Variants in PLBD2 observed in about 807,000 individuals in gnomAD.
PLBD2 encodes the protein phospholipase B domain containing 2.
A neutral mutation model predicts 68.3 loss-of-function variants in PLBD2; 51 were observed. That is an observed-to-expected ratio of 0.75 (90% CI 0.60 to 0.94). The LOEUF is 0.94. PLBD2 is among the 40% of genes least tolerant of loss of function. The pLI, the probability that PLBD2 is intolerant of heterozygous loss-of-function variation, is 0.00. For synonymous variants in PLBD2, 314 were observed against 339.3 expected, an observed-to-expected ratio of 0.93 and a Z score of 0.82; for missense variants, 729 against 792.2, an observed-to-expected ratio of 0.92 and a Z score of 0.96.
Position 113,384,794 on chromosome 12 carries a change from G to A in PLBD2, c.1119-57G>A. On this transcript the variant is annotated intron_variant, in intron 7 of 11. Coordinates refer to ENST00000280800, the MANE Select transcript of PLBD2 (RefSeq NM_173542.4). This position sits in a 1 kb window ranked among gnomAD's most constrained non-coding sequence, Gnocchi z 4.2. The stretch of plus-strand genomic sequence containing the variant: ...GCTGAGTGGGACACTGCAGGGTGGG[G>A]AAAGCTGGGGAGGTGGCTCCAGGCT... 6.8e-7 allele frequency: 1 copy of A among 1,467,780 alleles called. No individual in the cohort carries two copies. The highest frequency in any genetic ancestry group is 9.5e-7 in the Non-Finnish European group (1 of 1,052,350). The allele number at this position is 1,467,780 out of a possible 1,614,324, so 90.9% of individuals were successfully genotyped here. A position where few individuals can be genotyped will look rare whatever the true frequency, so the allele number is the denominator to read the frequency against.
intron 1 of PLBD2, among the ~76,000 whole-genome samples, chr12:113,361,158 G>T (rs1957290131): frequency 6.6e-6 from 1 of 151,918 alleles, no homozygotes; most frequent in Non-Finnish European, 1.5e-5. Flanking sequence ...GGGACTCTGT[G>T]TCTTATTTCG....
At chr12:113,374,759 C>G in intron 4 of PLBD2, 34 bp from the exon 5 acceptor site, 2 of 1,606,826 alleles carry the variant, frequency 1.2e-6, no homozygotes, top group Non-Finnish European at 1.7e-6. Context: ...TCACAGCAGG[C>G]GTGGTAACCC....
intron 6 of PLBD2, among the ~76,000 whole-genome samples, chr12:113,382,867 GTTT>G (rs67376686): frequency 2.4e-4 from 20 of 81,774 alleles, no homozygotes; most frequent in South Asian, 1.6e-3. Flanking sequence ...GTGTGTGTGT[GTTT>G]TTTTTTTTTT....
At chr12:113,386,569 G>A (rs1957555318) in intron 9 of PLBD2, among the ~76,000 whole-genome samples, 1 of 151,388 alleles carries the variant, frequency 6.6e-6, no homozygotes. Context: ...GCCCAGGTTG[G>A]AGTGCAATGG....
chr12:113,376,623 A>T (rs1957440264), intron 5 of PLBD2, among the ~76,000 whole-genome samples: 1 of 152,186 alleles, frequency 6.6e-6, no homozygotes, highest in African/African-American at 2.4e-5. Context: ...CAAACAACCA[A>T]TTGCAAGGAT....
chr12:113,358,859 G>A lies in PLBD2; in HGVS notation c.259G>A (p.Ala87Thr). Residue 87 changes from alanine to threonine, a missense_variant, in exon 1 of 12, where the codon GCC (alanine) becomes ACC (threonine). Transcript: ENST00000280800. ...ACGCCACCCTGACGCCGTGGCCTGG[G>A]CCAACCTCACCAACGCCATCCGCGA... ...DGRHPDAVAW[A>T]NLTNAIRETG... is the part of the protein sequence containing the mutation. The A allele has an allele frequency of 6.6e-7, 1 of 1,525,292 alleles. No individual in the cohort carries two copies. Among genetic ancestry groups the A allele is most frequent in the South Asian group, 1.2e-5 (1 of 82,098 alleles). 94.5% of individuals were successfully genotyped at this position (1,525,292 alleles called of 1,614,324 possible). A position where few individuals can be genotyped will look rare whatever the true frequency, so the allele number is the denominator to read the frequency against.
At chr12:113,380,556 A>T (rs942111474) in intron 5 of PLBD2, among the ~76,000 whole-genome samples, 189 bp from the exon 6 acceptor site, 3 of 152,120 alleles carry the variant, frequency 2.0e-5, no homozygotes, top group African/African-American at 7.2e-5. Context: ...GCTAGCTTTT[A>T]TTTTTACTTG....
chr12:113,377,690 A>G (rs1331667036), intron 5 of PLBD2, among the ~76,000 whole-genome samples: 1 of 152,156 alleles, frequency 6.6e-6, no homozygotes, highest in East Asian at 1.9e-4. Context: ...CTGATTTCTC[A>G]CAGAATAGGT....
chr12:113,385,315 C>T, intron 9 of PLBD2, 32 bp downstream of exon 9: 1 of 1,596,124 alleles, frequency 6.3e-7, no homozygotes, highest in South Asian at 1.1e-5. Context: ...TCCCCGTCAC[C>T]CTCCAGGGCA....
At position 113,372,257 on chromosome 12, in the gene PLBD2, C is replaced by T. The variant is rs1393618487; in HGVS notation, c.385-392C>T. 6.6e-6 allele frequency among the ~76,000 whole-genome samples: 1 copy of T among 152,002 alleles called. No homozygotes were observed. The highest frequency in any genetic ancestry group is 2.4e-5 in the African/African-American group (1 of 41,366). ...CTGGGTGAAACTGCCACGGCATTCT[C>T]TTGCCCAGTGGAATCAGAAGGGTTA... On this transcript the variant is annotated intron_variant, in intron 2 of 11. Coordinates refer to ENST00000280800, the MANE Select transcript of PLBD2 (RefSeq NM_173542.4). This position sits in a 1 kb window ranked among gnomAD's most constrained non-coding sequence, Gnocchi z 4.2.
intron 5 of PLBD2, among the ~76,000 whole-genome samples, chr12:113,379,135 A>T (rs1306526698): frequency 6.6e-6 from 1 of 151,984 alleles, no homozygotes; most frequent in Non-Finnish European, 1.5e-5. Flanking sequence ...TGGTAAAACC[A>T]TGTCTCTACT....
chr12:113,358,864 C>A lies in PLBD2; in HGVS notation c.264C>A (p.Asn88Lys). Residue 88 changes from asparagine to lysine, a missense_variant, in exon 1 of 12, where the codon AAC becomes AAA. Asn to Lys is a moderately conservative substitution (Grantham distance 94). Coordinates refer to ENST00000280800, the MANE Select transcript of PLBD2 (RefSeq NM_173542.4). ...GRHPDAVAWA[N>K]LTNAIRETGW... ...ACCCTGACGCCGTGGCCTGGGCCAA[C>A]CTCACCAACGCCATCCGCGAGACTG... 1 of 1,525,922 alleles carries A rather than the reference C, an allele frequency of 6.6e-7. No homozygotes were observed. Among genetic ancestry groups the A allele is most frequent in the East Asian group, 2.8e-5 (1 of 35,904 alleles). 94.5% of individuals were successfully genotyped at this position (1,525,922 alleles called of 1,614,324 possible).
At chr12:113,364,097 C>A (rs1195146083) in intron 1 of PLBD2, among the ~76,000 whole-genome samples, 1 of 152,234 alleles carries the variant, frequency 6.6e-6, no homozygotes, top group Non-Finnish European at 1.5e-5. Context: ...TCTTTTCTGG[C>A]TTTGAAGAGA....
Position 113,387,864 on chromosome 12 carries a change from C to T in PLBD2, c.1560C>T (p.Phe520=). The T allele has an allele frequency of 6.2e-7, 1 of 1,614,238 alleles. No homozygotes were observed. The highest frequency in any genetic ancestry group is 8.5e-7 in the Non-Finnish European group (1 of 1,180,032). The change falls in exon 11 of 12, where the codon TTC becomes TTT. Residue 520 remains phenylalanine (F), a synonymous_variant. Coordinates refer to ENST00000280800, the MANE Select transcript of PLBD2 (RefSeq NM_173542.4). ...DLNPANGSYP[F]QALRQRSHGG... The stretch of plus-strand genomic sequence containing the variant: ...ACCCGGCCAATGGCTCCTACCCCTT[C>T]CAGGCCCTGCGTCAGCGCTCCCATG...
chr12:113,385,504 G>A (rs981099022), intron 9 of PLBD2, among the ~76,000 whole-genome samples: 5 of 152,188 alleles, frequency 3.3e-5, no homozygotes, highest in Admixed American at 1.3e-4. Flanking sequence ...AGGGTGGTGT[G>A]GGGTGGCCAG....
chr12:113,373,417 AT>A (rs1330502297), intron 3 of PLBD2, among the ~76,000 whole-genome samples: 2 of 152,220 alleles, frequency 1.3e-5, no homozygotes, highest in Admixed American at 6.5e-5. Flanking sequence ...GCCTGTTAGC[AT>A]GTCTGCCTAG....
chr12:113,367,576 C>G (rs1239369926), intron 1 of PLBD2, among the ~76,000 whole-genome samples: 3 of 151,826 alleles, frequency 2.0e-5, no homozygotes, highest in African/African-American at 7.3e-5. Flanking sequence ...ATGGTGAAAC[C>G]CCGTCTCTAC....
chr12:113,374,999 G>T lies in PLBD2; in HGVS notation c.851G>T (p.Gly284Val). The T allele has an allele frequency of 6.2e-7, 1 of 1,614,070 alleles. No individual in the cohort carries two copies. The highest frequency in any genetic ancestry group is 1.1e-5 in the South Asian group (1 of 91,076). ...AAGTACTGGCTCCAGTTCCGGGAAG[G>T]CCCCTGGGGTAGGTGGGTGTGGGTG... ...IKKYWLQFREGPWGDYPLVPG... is the reference protein window; with the variant it reads ...IKKYWLQFREVPWGDYPLVPG... The change falls in exon 5 of 12, where the codon GGC becomes GTC. Residue 284 changes from glycine (G) to valine (V), a missense_variant. Gly to Val is a moderately radical substitution (Grantham distance 109). Coordinates refer to ENST00000280800, the MANE Select transcript of PLBD2 (RefSeq NM_173542.4).
intron 11 of PLBD2, among the ~76,000 whole-genome samples, chr12:113,388,131 C>T (rs1312293446): frequency 1.3e-5 from 2 of 152,130 alleles, no homozygotes; most frequent in Non-Finnish European, 2.9e-5. Flanking sequence ...CACTTGAGGT[C>T]AGGAGTTTGA....
Sources: gnomAD v4.1 joint callset for allele counts (sites outside exome capture counted in the v4.1 genomes callset) on GRCh38, gnomAD v4.1.1 for gene constraint, Gnocchi (gnomAD v3.1) non-coding constraint, MANE v1.5 for transcripts, NCBI Gene and HGNC (gene_info 2026-07-23, HGNC 2026-07-21) for gene names.